PHTF2: variants seen among roughly 807,000 people sequenced by gnomAD.
The protein encoded by PHTF2 is putative homeodomain transcription factor 2, also known as protein PHTF2.
PHTF2 carries 60 observed loss-of-function variants against 101.2 expected under a neutral mutation model. The observed-to-expected ratio is 0.59, with a 90% CI of 0.48 to 0.73. The LOEUF (loss-of-function observed/expected upper bound fraction) is 0.73, where lower values mean the gene tolerates loss of function less well. Ranked by LOEUF, PHTF2 falls within the 30% of genes least tolerant of loss-of-function variation. The probability of loss-of-function intolerance (pLI) is 0.00; values close to 1 mark genes in which losing one functional copy is unlikely to be tolerated. For synonymous variants in PHTF2, 311 were observed against 307.3 expected (o/e 1.01, Z -0.13); for missense variants, 747 against 908.7 (o/e 0.82, Z 2.29).
At chr7:77,903,491 GT>G (rs1241816042) in intron 7 of PHTF2, among the ~76,000 whole-genome samples, 1 of 152,126 alleles carries the variant, frequency 6.6e-6, no homozygotes, top group East Asian at 1.9e-4. Flanking sequence ...CGACAAACAA[GT>G]TTCCAATGTA....
At chr7:77,955,584 C>T (rs949999630) in exon 20 of PHTF2, 2 of 152,546 alleles carry the variant, frequency 1.3e-5, no homozygotes, top group Admixed American at 6.5e-5. Context: ...TGTGCATGCT[C>T]AAAATGTGCA....
intron 7 of PHTF2, among the ~76,000 whole-genome samples, chr7:77,904,718 A>G (rs367557157): frequency 2.6e-4 from 39 of 152,348 alleles, no homozygotes; most frequent in African/African-American, 8.7e-4. Flanking sequence ...ACACTTACGA[A>G]TCTGTTTAAC....
intron 9 of PHTF2, among the ~76,000 whole-genome samples, chr7:77,919,347 C>A (rs1235199390): frequency 6.6e-6 from 1 of 152,112 alleles, no homozygotes; most frequent in East Asian, 1.9e-4. Flanking sequence ...AGGCAATATA[C>A]TATTTTTATT....
intron 1 of PHTF2, among the ~76,000 whole-genome samples, chr7:77,810,746 C>T (rs547173724): frequency 6.6e-6 from 1 of 152,044 alleles, no homozygotes; most frequent in East Asian, 1.9e-4. Context: ...CCATATTAGC[C>T]AGGCTGGTCT....
intron 3 of PHTF2, among the ~76,000 whole-genome samples, chr7:77,879,442 A>C (rs17234466): frequency 0.014 from 2,101 of 152,128 alleles, 18 homozygotes; most frequent in Middle Eastern, 0.031. Flanking sequence ...AGAAGTTGGA[A>C]TTCTCCCAGC....
At chr7:77,926,956 C>T (rs138962504) in intron 11 of PHTF2, among the ~76,000 whole-genome samples, 5 of 151,758 alleles carry the variant, frequency 3.3e-5, no homozygotes, top group African/African-American at 1.2e-4. Context: ...TTGCGAATTC[C>T]AGACCAATCT....
intron 3 of PHTF2, among the ~76,000 whole-genome samples, chr7:77,893,049 A>G (rs748559199): frequency 6.6e-6 from 1 of 152,188 alleles, no homozygotes; most frequent in African/African-American, 2.4e-5. Context: ...AGGATTCCCT[A>G]GGGCAGTGGT....
chr7:77,893,810 C>A, intron 4 of PHTF2, 146 bp downstream of exon 3: 1 of 628,366 alleles, frequency 1.6e-6, no homozygotes, highest in Non-Finnish European at 2.8e-6. Context: ...ACTTTATTTA[C>A]CATAGTCACG....
At chr7:77,847,490 A>G (rs1029315404) in intron 2 of PHTF2, among the ~76,000 whole-genome samples, 2 of 152,194 alleles carry the variant, frequency 1.3e-5, no homozygotes, top group Admixed American at 1.3e-4. Flanking sequence ...TTCTTTTGTA[A>G]GCTGCAGATA....
At chr7:77,871,967 G>A (rs1407980636) in intron 3 of PHTF2, among the ~76,000 whole-genome samples, 2 of 152,222 alleles carry the variant, frequency 1.3e-5, no homozygotes, top group African/African-American at 2.4e-5. Context: ...TTATTCCAGT[G>A]AGGACAAACC....
At chr7:77,913,927 A>G (rs1802648531) in intron 9 of PHTF2, among the ~76,000 whole-genome samples, 2 of 151,966 alleles carry the variant, frequency 1.3e-5, no homozygotes, top group South Asian at 4.1e-4. Flanking sequence ...TTAGCCAGGC[A>G]TAGTGGCACG....
intron 3 of PHTF2, among the ~76,000 whole-genome samples, chr7:77,873,507 A>G (rs540105838): frequency 6.6e-6 from 1 of 152,274 alleles, no homozygotes; most frequent in Admixed American, 6.5e-5. Context: ...TAGTTCTAGA[A>G]GCAAACAGGG....
intron 3 of PHTF2, among the ~76,000 whole-genome samples, chr7:77,873,256 G>A (rs892299545): frequency 1.4e-4 from 21 of 152,236 alleles, no homozygotes; most frequent in African/African-American, 4.8e-4. Flanking sequence ...CGGAGCTGCA[G>A]CATTAAATGC....
intron 16 of PHTF2, among the ~76,000 whole-genome samples, chr7:77,943,282 G>A (rs1386963258): frequency 1.3e-5 from 2 of 152,064 alleles, no homozygotes; most frequent in East Asian, 1.9e-4. Flanking sequence ...CACCACACCC[G>A]GCTAATTTAT....
intron 3 of PHTF2, among the ~76,000 whole-genome samples, chr7:77,890,022 G>GC (rs59593439): frequency 0.44 from 64,091 of 145,598 alleles, 14,934 homozygotes; most frequent in African/African-American, 0.59. Flanking sequence ...ATTAAGACGC[G>GC]CCCCCCCCCA....
intron 9 of PHTF2, among the ~76,000 whole-genome samples, chr7:77,912,210 C>T (rs1280327174): frequency 2.6e-5 from 4 of 152,180 alleles, no homozygotes; most frequent in Admixed American, 2.0e-4. Flanking sequence ...ATTATAGTGG[C>T]GAACTCACTC....
At chr7:77,914,309 G>A (rs922047095) in intron 9 of PHTF2, among the ~76,000 whole-genome samples, 1 of 150,634 alleles carries the variant, frequency 6.6e-6, no homozygotes, top group Non-Finnish European at 1.5e-5. Context: ...GGGTCTTGAA[G>A]TGAATTTAAA....
chr7:77,884,320 T>G (rs889596071), intron 3 of PHTF2, among the ~76,000 whole-genome samples: 3 of 152,220 alleles, frequency 2.0e-5, no homozygotes, highest in African/African-American at 4.8e-5. Flanking sequence ...GATTTCATTG[T>G]ACCTGTTACC....
Position 77,908,777 on chromosome 7 carries a change from C to A in PHTF2, c.446-16C>A, listed in dbSNP as rs1802093011. On this transcript the variant is annotated splice_polypyrimidine_tract_variant and intron_variant, in intron 7 of 19. Coordinates refer to ENST00000416283, the Ensembl canonical transcript of PHTF2. Reference sequence around the variant, plus strand: ...TCAGATCTATAATTAAGCATATTTTCTTTCCCTTTTTATAGTTGCTGCAAT... The same window carrying A: ...TCAGATCTATAATTAAGCATATTTTATTTCCCTTTTTATAGTTGCTGCAAT... 2.0e-6 allele frequency: 3 copies of A among 1,502,564 alleles called. No homozygotes were observed. Among genetic ancestry groups the A allele is most frequent in the South Asian group, 1.3e-5 (1 of 78,860 alleles). The allele number at this position is 1,502,564 out of a possible 1,614,324, so 93.1% of individuals were successfully genotyped here.
Sources: gnomAD v4.1 joint callset for allele counts (sites outside exome capture counted in the v4.1 genomes callset) on GRCh38, gnomAD v4.1.1 for gene constraint, MANE v1.5 for transcripts, NCBI Gene and HGNC (gene_info 2026-07-23, HGNC 2026-07-21) for gene names.